Variants in MDN1 observed in about 807,000 individuals in gnomAD.
The protein encoded by MDN1 is midasin.
MDN1 carries 266 observed loss-of-function variants against 669.2 expected under a neutral mutation model. The observed-to-expected ratio is 0.40, with a 90% CI of 0.36 to 0.44. MDN1 has a LOEUF of 0.44. Ranked by LOEUF, MDN1 falls within the 20% of genes least tolerant of loss-of-function variation. The pLI, the probability that MDN1 is intolerant of heterozygous loss-of-function variation, is 1.00. For synonymous variants in MDN1, 2,385 were observed against 2,457.1 expected (o/e 0.97, Z 0.87); for missense variants, 5,940 against 6,754.0 (o/e 0.88, Z 4.22).
chr6:89,753,776 C>T (rs935830777), intron 21 of MDN1, among the ~76,000 whole-genome samples, 154 bp from the exon 22 acceptor site: 4 of 152,040 alleles, frequency 2.6e-5, no homozygotes, highest in South Asian at 2.1e-4. Context: ...AGGCCAGGCA[C>T]GGTGGTTCAT....
intron 11 of MDN1, among the ~76,000 whole-genome samples, chr6:89,778,674 G>A (rs1324108991): frequency 6.6e-6 from 1 of 151,712 alleles, no homozygotes; most frequent in Non-Finnish European, 1.5e-5. Context: ...CACGAGGTCA[G>A]GAGATCGAGA....
intron 15 of MDN1, among the ~76,000 whole-genome samples, 161 bp from the exon 16 acceptor site, chr6:89,762,691 A>G (rs4235839): frequency 0.85 from 130,078 of 152,200 alleles, 55,763 homozygotes; most frequent in African/African-American, 0.91. Context: ...AAATTGTAAT[A>G]TTTTCCCCCA....
At chr6:89,735,072 G>A (rs1815871284) in intron 33 of MDN1, among the ~76,000 whole-genome samples, 2 of 151,974 alleles carry the variant, frequency 1.3e-5, no homozygotes, top group African/African-American at 4.8e-5. Flanking sequence ...TGTATTTTTA[G>A]TAGAGACGGG....
intron 67 of MDN1, 130 bp downstream of exon 67, chr6:89,687,948 A>C: frequency 1.2e-6 from 1 of 845,480 alleles, no homozygotes; most frequent in Admixed American, 1.9e-5. Context: ...ACCCCATGCC[A>C]GAAAAACCAA....
chr6:89,729,611 A>G (rs1815447467), intron 35 of MDN1, among the ~76,000 whole-genome samples: 1 of 152,050 alleles, frequency 6.6e-6, no homozygotes, highest in Non-Finnish European at 1.5e-5. Flanking sequence ...TGCAGGACTA[A>G]TAACAGTCTT....
chr6:89,816,454 A>G (rs1768839329), intron 1 of MDN1, among the ~76,000 whole-genome samples: 1 of 151,438 alleles, frequency 6.6e-6, no homozygotes, highest in Non-Finnish European at 1.5e-5. Flanking sequence ...AAAATCATTT[A>G]CAGGCTAGGC....
intron 96 of MDN1, among the ~76,000 whole-genome samples, chr6:89,650,420 A>G (rs1362305803): frequency 1.3e-5 from 2 of 152,232 alleles, no homozygotes; most frequent in African/African-American, 2.4e-5. Context: ...TTCCAGACAC[A>G]TTTTTAAAAA....
chr6:89,766,346 A>G (rs888924440), intron 15 of MDN1, among the ~76,000 whole-genome samples: 1 of 152,192 alleles, frequency 6.6e-6, no homozygotes, highest in Non-Finnish European at 1.5e-5. Flanking sequence ...GCACAGTATT[A>G]CCTAAAGCCC....
chr6:89,652,719 G>A (rs1370254130), intron 94 of MDN1, among the ~76,000 whole-genome samples: 4 of 152,138 alleles, frequency 2.6e-5, no homozygotes, highest in Admixed American at 6.5e-5. Context: ...TAGAAAAGTG[G>A]GATGTGAGTC....
rs750971817 is a variant in MDN1 at position 89,664,557 on chromosome 6, G to A, written c.14166C>T (p.Gly4722=). Reference sequence around the variant, plus strand: ...CCGACATCTCAATGGCATTATCCTCGCCCTTAATATCAGATTTTGAATCAG... The same window carrying A: ...CCGACATCTCAATGGCATTATCCTCACCCTTAATATCAGATTTTGAATCAG... ...EDPDSKSDIK[G]EDNAIEMSED... Residue 4722 remains glycine, a synonymous_variant, in exon 85 of 102, where the codon GGC becomes GGT. Coordinates refer to ENST00000369393, the MANE Select transcript of MDN1 (RefSeq NM_014611.3). The A allele has an allele frequency of 6.2e-6, 10 of 1,613,228 alleles. No individual in the cohort carries two copies. The highest frequency in any genetic ancestry group is 2.7e-5 in the African/African-American group (2 of 74,832).
chr6:89,780,684 T>C (rs1291306267), intron 10 of MDN1, among the ~76,000 whole-genome samples: 1 of 149,786 alleles, frequency 6.7e-6, no homozygotes, highest in Non-Finnish European at 1.5e-5. Context: ...CTCACTCTGT[T>C]GCCCAGGCTG....
chr6:89,698,777 T>C, intron 59 of MDN1, 88 bp downstream of exon 59: 1 of 1,370,256 alleles, frequency 7.3e-7, no homozygotes, highest in Non-Finnish European at 1.0e-6. Flanking sequence ...GTCACCACTC[T>C]ATGCTAGGAA....
intron 11 of MDN1, among the ~76,000 whole-genome samples, chr6:89,778,686 C>T (rs1818473337): frequency 6.6e-6 from 1 of 151,686 alleles, no homozygotes. Flanking sequence ...AGATCGAGAT[C>T]ATCCTGGCTA....
intron 78 of MDN1, 27 bp from the exon 79 acceptor site, chr6:89,674,616 C>T: frequency 6.6e-7 from 1 of 1,507,702 alleles, no homozygotes; most frequent in South Asian, 1.3e-5. Flanking sequence ...ATGGGAAAAA[C>T]ACAATGAATG....
At chr6:89,688,440 T>TA (rs1812164920) in intron 66 of MDN1, 133 bp downstream of exon 66, 1 of 779,740 alleles carries the variant, frequency 1.3e-6, no homozygotes, top group African/African-American at 1.8e-5. Flanking sequence ...TAACATCTCA[T>TA]TGAACTGCAG....
chr6:89,785,264 T>C (rs1818898057), intron 8 of MDN1, 138 bp from the exon 9 acceptor site: 1 of 631,896 alleles, frequency 1.6e-6, no homozygotes, highest in Non-Finnish European at 2.8e-6. Flanking sequence ...GATACTACAC[T>C]GTTGGGCTTA....
intron 34 of MDN1, among the ~76,000 whole-genome samples, chr6:89,731,683 G>C (rs546425807): frequency 3.3e-5 from 5 of 151,910 alleles, no homozygotes; most frequent in African/African-American, 1.2e-4. Flanking sequence ...CCTAGATGAC[G>C]GGTTGATGGG....
chr6:89,675,064 G>A (rs1811090310), intron 78 of MDN1, among the ~76,000 whole-genome samples: 1 of 152,200 alleles, frequency 6.6e-6, no homozygotes, highest in Non-Finnish European at 1.5e-5. Context: ...CTAAGTAACA[G>A]AAGCAGACTC....
At chr6:89,811,564 G>A (rs927740147) in intron 1 of MDN1, among the ~76,000 whole-genome samples, 3 of 151,902 alleles carry the variant, frequency 2.0e-5, no homozygotes, top group African/African-American at 7.3e-5. Context: ...TCCTGCCACA[G>A]CCTCCCAAGT....
Sources: allele counts gnomAD v4.1 joint callset (sites outside exome capture counted in the v4.1 genomes callset), GRCh38; gene constraint gnomAD v4.1.1; transcripts MANE v1.5; gene names NCBI Gene and HGNC (gene_info 2026-07-23, HGNC 2026-07-21).